Variants in GNAL observed in about 807,000 individuals in gnomAD.
GNAL encodes the protein G protein subunit alpha L, also known as guanine nucleotide-binding protein G(olf) subunit alpha.
In GNAL, 18 loss-of-function variants were observed where a neutral mutation model predicts 55.1. The observed-to-expected ratio is 0.33, with a 90% CI of 0.23 to 0.48. GNAL has a LOEUF of 0.48. GNAL is among the 20% of genes least tolerant of loss of function. GNAL has a pLI of 0.99. For synonymous variants in GNAL, 253 were observed against 237.0 expected, an observed-to-expected ratio of 1.07 and a Z score of -0.62; for missense variants, 412 against 614.1, an observed-to-expected ratio of 0.67 and a Z score of 3.48.
intron 5 of GNAL, chr18:11,854,184 C>T (rs146279939): frequency 6.0e-6 from 1 of 167,028 alleles, no homozygotes; most frequent in African/African-American, 2.4e-5. Flanking sequence ...TAGTGTTGAA[C>T]CCTTTGGTAA....
intron 4 of GNAL, among the ~76,000 whole-genome samples, chr18:11,806,393 G>C (rs369669988): frequency 6.6e-6 from 1 of 152,278 alleles, no homozygotes; most frequent in South Asian, 2.1e-4. Context: ...TTGCTGTTGA[G>C]GTCTTAGTCA....
chr18:11,711,145 G>A (rs1261320347), intron 1 of GNAL, among the ~76,000 whole-genome samples: 2 of 152,186 alleles, frequency 1.3e-5, no homozygotes, highest in South Asian at 2.1e-4. Flanking sequence ...AAAGTGCTGG[G>A]ATTACAGGCG....
intron 5 of GNAL, among the ~76,000 whole-genome samples, chr18:11,848,497 C>T (rs2035787006): frequency 6.6e-6 from 1 of 150,420 alleles, no homozygotes; most frequent in Non-Finnish European, 1.5e-5. Context: ...CTCTCTGTCA[C>T]CCAGGCTGTA....
At chr18:11,826,932 G>A (rs752628118) in intron 5 of GNAL, among the ~76,000 whole-genome samples, 27 of 152,270 alleles carry the variant, frequency 1.8e-4, no homozygotes, top group Non-Finnish European at 2.6e-4. Context: ...AGGAGTGCCC[G>A]CAGAGAGGCA....
At chr18:11,876,268 C>CTGAGACCAGACTGGCCAACATGG (rs2036529085) in intron 10 of GNAL, among the ~76,000 whole-genome samples, 1 of 152,020 alleles carries the variant, frequency 6.6e-6, no homozygotes, top group Non-Finnish European at 1.5e-5. Context: ...AGTCAGGAGT[C>CTGAGACCAGACTGGCCAACATGG]TGAGACCAGA....
intron 4 of GNAL, among the ~76,000 whole-genome samples, chr18:11,785,868 C>A (rs747516796): frequency 6.6e-6 from 1 of 152,186 alleles, no homozygotes; most frequent in African/African-American, 2.4e-5. Flanking sequence ...TTAAAGGCTT[C>A]CGCCCACCTT....
At chr18:11,817,105 A>C (rs922580843) in intron 4 of GNAL, among the ~76,000 whole-genome samples, 1 of 152,194 alleles carries the variant, frequency 6.6e-6, no homozygotes, top group Non-Finnish European at 1.5e-5. Context: ...AATTTATGGC[A>C]TATATAGTAT....
chr18:11,821,230 C>A (rs561749661), intron 4 of GNAL, among the ~76,000 whole-genome samples: 1 of 152,160 alleles, frequency 6.6e-6, no homozygotes, highest in Middle Eastern at 3.4e-3. Flanking sequence ...CTTTATCCAG[C>A]GAAGAGTGGT....
rs2032871184 is a variant in GNAL, at chr18:11,752,289, G to A, written c.377-564G>A. 6.9e-7 allele frequency: 1 copy of A among 1,439,132 alleles called. No individual in the cohort carries two copies. Among genetic ancestry groups the A allele is most frequent in the Non-Finnish European group, 9.1e-7 (1 of 1,099,350 alleles). 89.1% of individuals were successfully genotyped at this position (1,439,132 alleles called of 1,614,324 possible). A position where few individuals can be genotyped will look rare whatever the true frequency, so the allele number is the denominator to read the frequency against. ...GGGAGGGAGAAGAAACGCCTGCTCT[G>A]AATCGGAAAACACCGAAGAGACCAG... is the stretch of plus-strand genomic sequence containing the variant. On this transcript the variant is annotated intron_variant, in intron 1 of 11. Coordinates refer to ENST00000334049, the MANE Select transcript of GNAL (RefSeq NM_182978.4). This position sits in a 1 kb window ranked among gnomAD's most constrained non-coding sequence, Gnocchi z 4.5.
intron 1 of GNAL, among the ~76,000 whole-genome samples, chr18:11,750,257 G>T (rs1286570694): frequency 1.3e-5 from 2 of 152,170 alleles, no homozygotes; most frequent in Admixed American, 1.3e-4. Context: ...AAAGGAGCAG[G>T]TAGAAGGCGT....
At chr18:11,758,021 TA>T (rs767439855) in intron 4 of GNAL, among the ~76,000 whole-genome samples, 2 of 151,910 alleles carry the variant, frequency 1.3e-5, no homozygotes, top group Non-Finnish European at 2.9e-5. Flanking sequence ...GCTGGGAAGG[TA>T]GGCAAGGTCA....
chr18:11,735,949 C>T (rs1598419587), intron 1 of GNAL, among the ~76,000 whole-genome samples: 1 of 152,252 alleles, frequency 6.6e-6, no homozygotes, highest in South Asian at 2.1e-4. Flanking sequence ...AGCCCTCCCC[C>T]TGTTCATATA....
intron 6 of GNAL, among the ~76,000 whole-genome samples, chr18:11,863,327 G>A (rs1406090101): frequency 6.6e-6 from 1 of 152,160 alleles, no homozygotes; most frequent in Non-Finnish European, 1.5e-5. Context: ...AAGTTAGAGG[G>A]ATGTCTCTGT....
intron 1 of GNAL, among the ~76,000 whole-genome samples, chr18:11,722,558 G>A (rs2032119332): frequency 6.6e-6 from 1 of 152,194 alleles, no homozygotes; most frequent in Non-Finnish European, 1.5e-5. Flanking sequence ...CTTTGACAAA[G>A]TAGGCATTTA....
chr18:11,699,019 A>G (rs914609355), intron 1 of GNAL, among the ~76,000 whole-genome samples: 1 of 152,164 alleles, frequency 6.6e-6, no homozygotes, highest in African/African-American at 2.4e-5. Flanking sequence ...TTTCAAAGGT[A>G]AGACCTAACT....
At chr18:11,830,235 T>G (rs1430883517) in intron 5 of GNAL, among the ~76,000 whole-genome samples, 1 of 151,120 alleles carries the variant, frequency 6.6e-6, no homozygotes, top group African/African-American at 2.4e-5. Flanking sequence ...ACTTAAATCT[T>G]GGTGTGACAG....
chr18:11,808,025 CTTT>C (rs111276081), intron 4 of GNAL, among the ~76,000 whole-genome samples: 196 of 144,328 alleles, frequency 1.4e-3, no homozygotes, highest in African/African-American at 4.7e-3. Flanking sequence ...GCCCAGCCTT[CTTT>C]TTTTTTTTTT....
chr18:11,848,166 T>C (rs941727853), intron 5 of GNAL, among the ~76,000 whole-genome samples: 2 of 152,048 alleles, frequency 1.3e-5, no homozygotes, highest in African/African-American at 4.8e-5. Flanking sequence ...AATCTCTCCG[T>C]GGAAATGTGA....
chr18:11,844,428 C>CT (rs908758694), intron 5 of GNAL, among the ~76,000 whole-genome samples: 23 of 152,146 alleles, frequency 1.5e-4, no homozygotes, highest in Non-Finnish European at 2.9e-4. Flanking sequence ...GAGCGAAACT[C>CT]TATCTCAAAA....
Sources: allele counts gnomAD v4.1 joint callset (sites outside exome capture counted in the v4.1 genomes callset), GRCh38; gene constraint gnomAD v4.1.1; non-coding constraint Gnocchi (gnomAD v3.1); transcripts MANE v1.5; gene names NCBI Gene and HGNC (gene_info 2026-07-23, HGNC 2026-07-21).